Variants in OSMR observed in about 807,000 individuals in gnomAD.
The protein encoded by OSMR is oncostatin-M-specific receptor subunit beta.
A neutral mutation model predicts 99.9 loss-of-function variants in OSMR; 81 were observed. The observed-to-expected ratio is 0.81, with a 90% CI of 0.68 to 0.97. OSMR has a LOEUF of 0.97. OSMR is among the 50% of genes least tolerant of loss of function. The probability of loss-of-function intolerance (pLI) is 0.00; values close to 1 mark genes in which losing one functional copy is unlikely to be tolerated. For synonymous variants in OSMR, 406 were observed against 410.4 expected (o/e 0.99, Z 0.13); for missense variants, 1,099 against 1,153.4 (o/e 0.95, Z 0.68).
chr5:38,933,371 C>T lies in OSMR; in HGVS notation c.2867C>T (p.Ala956Val). 6.2e-7 allele frequency: 1 copy of T among 1,614,116 alleles called. No individual in the cohort carries two copies. Among genetic ancestry groups the T allele is most frequent in the South Asian group, 1.1e-5 (1 of 91,068 alleles). Residue 956 changes from alanine to valine, a missense_variant, in exon 18 of 18, where the codon GCC (alanine) becomes GTC (valine). Coordinates refer to ENST00000274276, the MANE Select transcript of OSMR (RefSeq NM_003999.3). Reference sequence around the variant, plus strand: ...CAAATGGCAGTCTCCCTGCGTCTTGCCTTGCCTCCCCCGACCGAGAATAGC... The same window carrying T: ...CAAATGGCAGTCTCCCTGCGTCTTGTCTTGCCTCCCCCGACCGAGAATAGC... The part of the protein sequence containing the change: ...KMQMAVSLRL[A>V]LPPPTENSSL...
At chr5:38,895,064 A>G (rs1419816256) in intron 7 of OSMR, among the ~76,000 whole-genome samples, 2 of 152,138 alleles carry the variant, frequency 1.3e-5, no homozygotes, top group Non-Finnish European at 2.9e-5. Flanking sequence ...AAACAGAGAC[A>G]TAACATACCA....
intron 1 of OSMR, among the ~76,000 whole-genome samples, chr5:38,854,681 A>G (rs1447516037): frequency 6.6e-6 from 1 of 152,206 alleles, no homozygotes. Flanking sequence ...ACCCATTTTT[A>G]TTCATTTATC....
chr5:38,912,662 C>T (rs909066420), intron 9 of OSMR, among the ~76,000 whole-genome samples: 29 of 152,070 alleles, frequency 1.9e-4, no homozygotes, highest in Admixed American at 3.3e-4. Context: ...AGCACATTAC[C>T]CCAGTTCAAA....
chr5:38,924,257 CTA>C, intron 13 of OSMR, 163 bp from the exon 14 acceptor site: 1 of 966,760 alleles, frequency 1.0e-6, no homozygotes, highest in Non-Finnish European at 1.2e-6. Flanking sequence ...CTCTCATAAA[CTA>C]TGTCAAGGCA....
At chr5:38,924,377 G>A (rs1295738832) in intron 13 of OSMR, 45 bp from the exon 14 acceptor site, 3 of 1,613,068 alleles carry the variant, frequency 1.9e-6, no homozygotes, top group South Asian at 2.2e-5. Flanking sequence ...TTCTGAGACT[G>A]TTTCCAAATC....
At chr5:38,906,354 A>G (rs1382591626) in intron 9 of OSMR, among the ~76,000 whole-genome samples, 2 of 152,148 alleles carry the variant, frequency 1.3e-5, no homozygotes, top group Admixed American at 6.5e-5. Flanking sequence ...GGAATTTTTT[A>G]TTACTTCTGA....
Position 38,931,830 on chromosome 5 carries a change from T to C in OSMR, c.2213-53T>C, listed in dbSNP as rs1746764983. The C allele has an allele frequency of 8.8e-6, 14 of 1,584,376 alleles. No individual in the cohort carries two copies. The South Asian group carries it at 1.4e-4, about 16-fold the overall frequency. The stretch of plus-strand genomic sequence containing the variant: ...AATCATAAACTTGTATTTATTCCTT[T>C]GAGGAAGGGAAAAGTACTTATTAAA... On this transcript the variant is annotated intron_variant, in intron 15 of 17. Transcript: ENST00000274276.
At chr5:38,855,231 G>A (rs1740749776) in intron 1 of OSMR, among the ~76,000 whole-genome samples, 1 of 152,246 alleles carries the variant, frequency 6.6e-6, no homozygotes, top group South Asian at 2.1e-4. Context: ...AGCTTCGTGC[G>A]CTGACCTCCT....
chr5:38,923,025 C>T, intron 12 of OSMR, 125 bp from the exon 13 acceptor site: 1 of 1,122,866 alleles, frequency 8.9e-7, no homozygotes, highest in Non-Finnish European at 1.3e-6. Context: ...ATCCGCCTGC[C>T]TCGGCCTCCC....
At chr5:38,854,453 A>G (rs1740692944) in intron 1 of OSMR, among the ~76,000 whole-genome samples, 1 of 152,206 alleles carries the variant, frequency 6.6e-6, no homozygotes, top group Admixed American at 6.5e-5. Context: ...TTTACTGAGA[A>G]TGAGATTTTG....
chr5:38,861,275 G>A (rs993590318), intron 1 of OSMR, among the ~76,000 whole-genome samples: 7 of 152,206 alleles, frequency 4.6e-5, no homozygotes, highest in East Asian at 1.9e-4. Context: ...CGGGCCTTCC[G>A]CAGTGTTTGT....
At chr5:38,850,033 AAT>A (rs1458631869) in intron 1 of OSMR, among the ~76,000 whole-genome samples, 1 of 152,192 alleles carries the variant, frequency 6.6e-6, no homozygotes, top group Non-Finnish European at 1.5e-5. Context: ...GGAACCAGTA[AAT>A]ATTTCCTTTA....
At position 38,924,518 on chromosome 5, in the gene OSMR, T is replaced by C. The variant is rs1224189522; in HGVS notation, c.1967T>C (p.Phe656Ser). 6.2e-7 allele frequency: 1 copy of C among 1,614,214 alleles called. No individual in the cohort carries two copies. The highest frequency in any genetic ancestry group is 1.1e-5 in the South Asian group (1 of 91,090). The change falls in exon 14 of 18, where the codon TTT becomes TCT. Residue 656 changes from phenylalanine to serine, a missense_variant. By Grantham distance (155) the Phe-to-Ser change is radical. Transcript: ENST00000274276. Reference protein sequence around the residue: ...KDYSTESQPGFIQGYHVYLKS... With the variant: ...KDYSTESQPGSIQGYHVYLKS... The stretch of plus-strand genomic sequence containing the variant: ...TACTCTACTGAATCTCAACCTGGTT[T>C]TATACAAGGGTACCATGTCTATCTG...
At position 38,870,683 on chromosome 5, in the gene OSMR, G is replaced by A. The variant is rs73075356; in HGVS notation, c.73+1566G>A. ...ACAAGCTTTCCTCCTTAAAGGGACTGCTTTGCTTTTGGAGTAGAAAGTGGG... is the reference window on the plus strand; with the variant it reads ...ACAAGCTTTCCTCCTTAAAGGGACTACTTTGCTTTTGGAGTAGAAAGTGGG... On this transcript the variant is annotated intron_variant, in intron 2 of 17. Coordinates refer to ENST00000274276, the MANE Select transcript of OSMR (RefSeq NM_003999.3). Among the ~76,000 whole-genome samples, 643 of 152,332 alleles carry A rather than the reference G, an allele frequency of 4.2e-3. 6 individuals are homozygous for A. Among genetic ancestry groups the A allele is most frequent in the African/African-American group, 0.014 (602 of 41,572 alleles).
intron 10 of OSMR, among the ~76,000 whole-genome samples, 158 bp downstream of exon 10, chr5:38,917,780 C>T (rs771026586): frequency 2.6e-5 from 4 of 152,056 alleles, no homozygotes; most frequent in African/African-American, 7.2e-5. Flanking sequence ...TAGAGGAATC[C>T]CACTCCACTC....
At chr5:38,919,117 G>A (rs1746097856) in intron 11 of OSMR, 55 bp downstream of exon 11, 13 of 1,594,860 alleles carry the variant, frequency 8.2e-6, no homozygotes, top group South Asian at 1.1e-5. Context: ...TGTTGATGAC[G>A]TTATTAAGTA....
chr5:38,874,166 A>G (rs1459897032), intron 2 of OSMR, among the ~76,000 whole-genome samples: 2 of 152,084 alleles, frequency 1.3e-5, no homozygotes, highest in African/African-American at 2.4e-5. Flanking sequence ...CTCACATTCT[A>G]TATGTTGTCT....
rs887697003 is a variant in OSMR at position 38,846,133 on chromosome 5, A to T, written c.-268A>T. On this transcript the variant is annotated 5_prime_UTR_variant, in exon 1 of 18. Coordinates refer to ENST00000274276, the MANE Select transcript of OSMR (RefSeq NM_003999.3). ...GGAGCCCTTCGCCCGCGGCGTGAGT[A>T]CCCCCGACCCGCCCGTCCCCGCTCT... The T allele has an allele frequency of 6.6e-6, 1 of 150,880 alleles. No individual in the cohort carries two copies. The highest frequency in any genetic ancestry group is 6.6e-5 in the Admixed American group (1 of 15,200). 9.3% of individuals were successfully genotyped at this position (150,880 alleles called of 1,614,324 possible). A position where few individuals can be genotyped will look rare whatever the true frequency, so the allele number is the denominator to read the frequency against.
chr5:38,848,231 A>T (rs1179397443), intron 1 of OSMR, among the ~76,000 whole-genome samples: 4 of 152,150 alleles, frequency 2.6e-5, no homozygotes, highest in Non-Finnish European at 4.4e-5. Context: ...GGGGGAGAAA[A>T]TCCTTCTTGA....
Sources: allele counts gnomAD v4.1 joint callset (sites outside exome capture counted in the v4.1 genomes callset), GRCh38; gene constraint gnomAD v4.1.1; transcripts MANE v1.5; gene names NCBI Gene and HGNC (gene_info 2026-07-23, HGNC 2026-07-21).